The following ANKRD28 variants were observed in gnomAD, a reference collection of about 807,000 sequenced individuals.
ANKRD28 encodes the protein ankyrin repeat domain 28.
A neutral mutation model predicts 126.5 loss-of-function variants in ANKRD28; 44 were observed. That is an observed-to-expected ratio of 0.35 (90% CI 0.27 to 0.45). ANKRD28 has a LOEUF of 0.45. ANKRD28 is among the 20% of genes least tolerant of loss of function. ANKRD28 has a pLI of 1.00. For synonymous variants in ANKRD28, 442 were observed against 468.5 expected (o/e 0.94, Z 0.73); for missense variants, 1,110 against 1,316.6 (o/e 0.84, Z 2.43).
intron 14 of ANKRD28, among the ~76,000 whole-genome samples, chr3:15,698,131 T>C (rs1216968193): frequency 6.6e-6 from 1 of 152,078 alleles, no homozygotes; most frequent in Non-Finnish European, 1.5e-5. Context: ...TTAGTCTTGC[T>C]AGCGGTCTGT....
rs1559567198 is a variant in ANKRD28 at position 15,814,515 on chromosome 3, T to A, written c.28-19209A>T. 6.6e-6 allele frequency among the ~76,000 whole-genome samples: 1 copy of A among 152,210 alleles called. No homozygotes were observed. Among genetic ancestry groups the A allele is most frequent in the Non-Finnish European group, 1.5e-5 (1 of 68,012 alleles). On this transcript the variant is annotated intron_variant, in intron 1 of 27. Coordinates refer to the ANKRD28 transcript ENST00000399451. This position sits in a 1 kb window ranked among gnomAD's most constrained non-coding sequence, Gnocchi z 4.7. ...CTAATCTGGGCAACAAAACATTTTT[T>A]AAAGGCTTTCTTTATATATTAAACA...
chr3:15,814,204 T>G lies in ANKRD28; in HGVS notation c.28-18898A>C. 1 of 1,133,550 alleles carries G rather than the reference T, an allele frequency of 8.8e-7. No individual in the cohort carries two copies. Among genetic ancestry groups the G allele is most frequent in the Non-Finnish European group, 1.1e-6 (1 of 889,908 alleles). 70.2% of individuals were successfully genotyped at this position (1,133,550 alleles called of 1,614,324 possible). On this transcript the variant is annotated intron_variant, in intron 1 of 27. Transcript: ENST00000399451. The surrounding 1 kb of genome is among the most constrained non-coding windows in gnomAD (Gnocchi z 4.7). Reference sequence around the variant, plus strand: ...AAACTAACAAATTACAAGAGCTGCCTATATTACTGCAAGAGACTACTAGAA... The same window carrying G: ...AAACTAACAAATTACAAGAGCTGCCGATATTACTGCAAGAGACTACTAGAA...
At position 15,804,330 on chromosome 3, in the gene ANKRD28, T is replaced by C. The variant is rs1041592926; in HGVS notation, c.28-9024A>G. Reference sequence around the variant, plus strand: ...AGCATATGAAGTTATTAATTGTAACTGACATATACAGATACCTTCTAACTG... The same window carrying C: ...AGCATATGAAGTTATTAATTGTAACCGACATATACAGATACCTTCTAACTG... On this transcript the variant is annotated intron_variant, in intron 1 of 27. Transcript: ENST00000399451. Among the ~76,000 whole-genome samples, 2 of 144,678 alleles carry C rather than the reference T, an allele frequency of 1.4e-5. 1 individual carries two copies. Among genetic ancestry groups the C allele is most frequent in the Non-Finnish European group, 3.0e-5 (2 of 66,978 alleles). The allele number at this position is 144,678 out of a possible 152,430, so 94.9% of individuals were successfully genotyped here.
At chr3:15,694,599 A>C in intron 17 of ANKRD28, 140 bp downstream of exon 17, 1 of 533,326 alleles carries the variant, frequency 1.9e-6, no homozygotes, top group Non-Finnish European at 3.1e-6. Context: ...GAATTAAAGA[A>C]AGTTCTCAAA....
rs530198964 is a variant in ANKRD28 at position 15,777,167 on chromosome 3, G to A, written c.202-10855C>T. 9.2e-5 allele frequency among the ~76,000 whole-genome samples: 14 copies of A among 151,766 alleles called. No individual in the cohort carries two copies. The East Asian group carries it at 1.7e-3, about 19-fold the overall frequency. On this transcript the variant is annotated intron_variant, in intron 2 of 27. Transcript: ENST00000683139. ...TGGGCATCTGTAGCCCCAGCTACTC[G>A]GGAGATTGAGGCAGGAGAATGGCAT... is the stretch of plus-strand genomic sequence containing the variant.
At chr3:15,691,539 TAAAG>T (rs1321224886) in intron 17 of ANKRD28, among the ~76,000 whole-genome samples, 1 of 152,182 alleles carries the variant, frequency 6.6e-6, no homozygotes, top group Non-Finnish European at 1.5e-5. Flanking sequence ...GAGCAGGACA[TAAAG>T]AAATAAATAA....
Position 15,711,202 on chromosome 3 carries a change from T to G in ANKRD28, c.1337+9A>C. 3 of 1,607,962 alleles carry G rather than the reference T, an allele frequency of 1.9e-6. No individual in the cohort carries two copies. The highest frequency in any genetic ancestry group is 2.6e-6 in the Non-Finnish European group (3 of 1,175,832). On this transcript the variant is annotated intron_variant, in intron 12 of 27. Transcript: ENST00000683139. ...TTTTCTTAAAGAAATAAAAATACTA[T>G]TAACATACCCTCCAGCTGCAGCTGC...
chr3:15,735,367 TC>T, intron 6 of ANKRD28, 42 bp downstream of exon 6: 1 of 1,439,416 alleles, frequency 6.9e-7, no homozygotes, highest in Non-Finnish European at 9.4e-7. Flanking sequence ...GTACAACTTT[TC>T]TAAATATATA....
In ANKRD28 at chr3:15,809,906, C is replaced by A. The variant is rs115861475; in HGVS notation, c.28-14600G>T. ...TGTGCTTGTTGCAATTCAAGTATAC[C>A]ATGCCACTACATGCAGCTATGCCCT... On this transcript the variant is annotated intron_variant, in intron 1 of 27. Transcript: ENST00000399451. Among the ~76,000 whole-genome samples, 854 of 152,096 alleles carry A rather than the reference C, an allele frequency of 5.6e-3. 5 individuals carry two copies. The highest frequency in any genetic ancestry group is 0.02 in the African/African-American group (814 of 41,490).
intron 2 of ANKRD28, chr3:15,781,792 T>A (rs1478474541): frequency 2.0e-5 from 3 of 152,236 alleles, no homozygotes; most frequent in South Asian, 4.2e-4. Flanking sequence ...TGTTTTTAAT[T>A]CCCTGTGAGT....
At chr3:15,859,580 C>CCG (rs2061861474) in exon 1 of ANKRD28, 6 of 228,738 alleles carry the variant, frequency 2.6e-5, no homozygotes, top group Non-Finnish European at 3.6e-5. Flanking sequence ...TCCCCGGCCG[C>CCG]CCGCCGCCGC....
At chr3:15,806,826 A>G (rs1285764389) in intron 1 of ANKRD28, among the ~76,000 whole-genome samples, 1 of 152,170 alleles carries the variant, frequency 6.6e-6, no homozygotes, top group African/African-American at 2.4e-5. Flanking sequence ...CCGGCCCATC[A>G]TGACATCTTA....
intron 1 of ANKRD28, among the ~76,000 whole-genome samples, chr3:15,806,834 T>G (rs886202872): frequency 2.6e-5 from 4 of 152,212 alleles, no homozygotes; most frequent in African/African-American, 9.6e-5. Flanking sequence ...TCATGACATC[T>G]TAATGGGCCT....
intron 14 of ANKRD28, among the ~76,000 whole-genome samples, chr3:15,702,946 T>C (rs1315136485): frequency 6.6e-6 from 1 of 152,030 alleles, no homozygotes; most frequent in African/African-American, 2.4e-5. Flanking sequence ...AAACTCTACA[T>C]AGTCGTGACA....
chr3:15,696,481 T>C (rs1418520182), intron 14 of ANKRD28, among the ~76,000 whole-genome samples: 9 of 152,132 alleles, frequency 5.9e-5, no homozygotes, highest in Admixed American at 2.6e-4. Context: ...CAAAAGTCTG[T>C]CAGACAGCTT....
At chr3:15,709,422 A>G (rs2071926004) in intron 13 of ANKRD28, among the ~76,000 whole-genome samples, 1 of 152,132 alleles carries the variant, frequency 6.6e-6, no homozygotes, top group Non-Finnish European at 1.5e-5. Context: ...AAGTGATAGC[A>G]AGTATAGAGG....
At chr3:15,847,275 C>A (rs2061550392) in intron 1 of ANKRD28, among the ~76,000 whole-genome samples, 1 of 152,160 alleles carries the variant, frequency 6.6e-6, no homozygotes, top group South Asian at 2.1e-4. Flanking sequence ...AAAATTAAGA[C>A]TTCATGTCTA....
chr3:15,707,569 C>T (rs2071623575), intron 14 of ANKRD28, among the ~76,000 whole-genome samples: 2 of 152,276 alleles, frequency 1.3e-5, no homozygotes, highest in African/African-American at 4.8e-5. Context: ...TGACATTACT[C>T]ATATATCTCC....
intron 1 of ANKRD28, 42 bp downstream of exon 1, chr3:15,796,363 G>A: frequency 2.6e-6 from 3 of 1,151,104 alleles, no homozygotes; most frequent in Non-Finnish European, 3.4e-6. Context: ...TATACTACTA[G>A]TTCAGTAGAA....
Sources: allele counts gnomAD v4.1 joint callset (sites outside exome capture counted in the v4.1 genomes callset), GRCh38; gene constraint gnomAD v4.1.1; non-coding constraint Gnocchi (gnomAD v3.1); transcripts MANE v1.5; gene names NCBI Gene and HGNC (gene_info 2026-07-23, HGNC 2026-07-21).